EYA1: variants seen among roughly 807,000 people sequenced by gnomAD.
EYA1 encodes the protein protein phosphatase EYA1.
EYA1 carries 16 observed loss-of-function variants against 82.0 expected under a neutral mutation model. That is an observed-to-expected ratio of 0.20 (90% CI 0.13 to 0.30). EYA1 has a LOEUF of 0.30. Among genes scored for constraint, EYA1 ranks in the 10% least tolerant of loss-of-function variants. EYA1 has a pLI of 1.00. For missense variants in EYA1, 633 were observed against 730.7 expected (o/e 0.87, Z 1.54); for synonymous variants, 261 against 264.4 (o/e 0.99, Z 0.12).
intron 2 of EYA1, among the ~76,000 whole-genome samples, chr8:71,470,295 T>G (rs1295758863): frequency 6.6e-6 from 1 of 152,106 alleles, no homozygotes; most frequent in Non-Finnish European, 1.5e-5. Flanking sequence ...GGCTTTTACT[T>G]TAACCTCTGA....
At chr8:71,281,087 T>C (rs1400604481) in intron 9 of EYA1, among the ~76,000 whole-genome samples, 3 of 152,176 alleles carry the variant, frequency 2.0e-5, no homozygotes, top group Admixed American at 6.5e-5. Context: ...CTCTATATAA[T>C]AGTTTTTTAA....
chr8:71,203,699 T>A (rs1473510178), intron 17 of EYA1, among the ~76,000 whole-genome samples: 1 of 152,190 alleles, frequency 6.6e-6, no homozygotes, highest in Non-Finnish European at 1.5e-5. Flanking sequence ...AGGCTAACAC[T>A]TCCTCAGTGC....
At chr8:71,256,853 G>A (rs1371359893) in intron 11 of EYA1, among the ~76,000 whole-genome samples, 1 of 151,934 alleles carries the variant, frequency 6.6e-6, no homozygotes, top group Non-Finnish European at 1.5e-5. Context: ...TACAAAATTA[G>A]CTGGGCATGG....
chr8:71,354,249 T>A (rs1186550468), intron 3 of EYA1, among the ~76,000 whole-genome samples: 2 of 152,132 alleles, frequency 1.3e-5, no homozygotes, highest in East Asian at 1.9e-4. Context: ...GCTGTGTATA[T>A]TTCATAAACA....
At chr8:71,351,505 TGGAA>T (rs1250107545) in intron 3 of EYA1, among the ~76,000 whole-genome samples, 2 of 152,154 alleles carry the variant, frequency 1.3e-5, no homozygotes, top group Non-Finnish European at 2.9e-5. Context: ...ACAGAGGGGT[TGGAA>T]GGATGTATAA....
intron 3 of EYA1, among the ~76,000 whole-genome samples, chr8:71,349,231 G>A (rs1370722393): frequency 6.6e-6 from 1 of 152,156 alleles, no homozygotes; most frequent in Admixed American, 6.5e-5. Flanking sequence ...TAACCACCCT[G>A]AGGAGTCATC....
intron 2 of EYA1, among the ~76,000 whole-genome samples, chr8:71,390,541 G>A (rs549175043): frequency 6.6e-6 from 1 of 152,270 alleles, no homozygotes; most frequent in East Asian, 1.9e-4. Flanking sequence ...GAGTCAACAT[G>A]CCTAGCAATT....
rs575191747 is a variant in EYA1 at position 71,357,640 on chromosome 8, G to A, written c.-54-1129C>T. On this transcript the variant is annotated intron_variant, in intron 1 of 17. Coordinates refer to ENST00000340726, the MANE Select transcript of EYA1 (RefSeq NM_000503.6). ...TGGCATTACAGTTATCCAACCAAAC[G>A]TCTTCTGTTAAGTCCTGTTATTTTT... is the stretch of plus-strand genomic sequence containing the variant. 5.9e-5 allele frequency among the ~76,000 whole-genome samples: 9 copies of A among 152,236 alleles called. No homozygotes were observed. The East Asian group carries it at 1.2e-3, about 20-fold the overall frequency.
Position 71,354,870 on chromosome 8 carries a change from A to T in EYA1, c.36T>A (p.Arg12=), listed in dbSNP as rs1376584127. 28 of 1,613,720 alleles carry T rather than the reference A, an allele frequency of 1.7e-5. No individual in the cohort carries two copies. Among genetic ancestry groups the T allele is most frequent in the Non-Finnish European group, 2.4e-5 (28 of 1,179,690 alleles). Residue 12 remains arginine, a synonymous_variant, in exon 3 of 18, where the codon CGT becomes CGA. Coordinates refer to ENST00000340726, the MANE Select transcript of EYA1 (RefSeq NM_000503.6). ...EMQDLTSPHS[R]LSGSSESPSG... ...TGGGGGATTCACTACTACCACTCAG[A>T]CGGCTATGCGGGCTGGTTAGATCCT... is the stretch of plus-strand genomic sequence containing the variant.
At chr8:71,358,255 G>A (rs1189425532) in intron 1 of EYA1, among the ~76,000 whole-genome samples, 1 of 152,110 alleles carries the variant, frequency 6.6e-6, no homozygotes, top group Non-Finnish European at 1.5e-5. Flanking sequence ...TAAAGAAAAA[G>A]TGAACTTCAA....
At chr8:71,428,667 A>G (rs1305807358) in intron 2 of EYA1, among the ~76,000 whole-genome samples, 2 of 152,212 alleles carry the variant, frequency 1.3e-5, no homozygotes, top group Non-Finnish European at 2.9e-5. Flanking sequence ...TTAACAAGGA[A>G]CATCTGTTTT....
chr8:71,338,546 C>G (rs546479810), intron 3 of EYA1, among the ~76,000 whole-genome samples: 1 of 152,328 alleles, frequency 6.6e-6, no homozygotes, highest in African/African-American at 2.4e-5. Context: ...ACTAACCCAT[C>G]ATACCATGAT....
chr8:71,473,239 A>G (rs1809369651), intron 2 of EYA1, among the ~76,000 whole-genome samples: 1 of 152,166 alleles, frequency 6.6e-6, no homozygotes, highest in African/African-American at 2.4e-5. Flanking sequence ...GCACAGCAAA[A>G]GAAATTATCA....
rs147829266 is a variant in EYA1 at position 71,491,318 on chromosome 8, G to A, written c.33+44426C>T. Among the ~76,000 whole-genome samples the A allele has an allele frequency of 6.7e-3, 1,021 of 152,228 alleles. 8 individuals carry two copies. Among genetic ancestry groups the A allele is most frequent in the South Asian group, 0.013 (65 of 4,822 alleles). On this transcript the variant is annotated intron_variant, in intron 2 of 18. Transcript: ENST00000643681. ...TGAAGAGGCTGAACTCTGTAGTTAC[G>A]TGCAGGGCCAGGGGAAACAGGAACT... is the stretch of plus-strand genomic sequence containing the variant.
At chr8:71,219,311 C>T (rs970477129) in intron 12 of EYA1, among the ~76,000 whole-genome samples, 2 of 152,010 alleles carry the variant, frequency 1.3e-5, no homozygotes, top group South Asian at 4.2e-4. Flanking sequence ...AAGCAAAGTT[C>T]GGAGTAGTGA....
chr8:71,387,457 T>A (rs1257773900), intron 2 of EYA1, among the ~76,000 whole-genome samples: 1 of 151,854 alleles, frequency 6.6e-6, no homozygotes, highest in Non-Finnish European at 1.5e-5. Flanking sequence ...CACTTAAGAG[T>A]GTAGCAGTGG....
chr8:71,214,555 G>A (rs1434617383), intron 16 of EYA1, among the ~76,000 whole-genome samples: 2 of 152,202 alleles, frequency 1.3e-5, no homozygotes, highest in East Asian at 3.8e-4. Context: ...GACCCTGTAG[G>A]ATACAGCAAG....
chr8:71,476,129 A>G (rs1274454349), intron 2 of EYA1, among the ~76,000 whole-genome samples: 2 of 152,060 alleles, frequency 1.3e-5, no homozygotes, highest in Non-Finnish European at 2.9e-5. Context: ...ATACCCCCCA[A>G]TCCTTCATAT....
chr8:71,527,795 T>C (rs934920169), intron 2 of EYA1, among the ~76,000 whole-genome samples: 2 of 152,230 alleles, frequency 1.3e-5, no homozygotes, highest in African/African-American at 2.4e-5. Flanking sequence ...GCAACTTTCA[T>C]GCCATGTCTG....
Sources: allele counts gnomAD v4.1 joint callset (sites outside exome capture counted in the v4.1 genomes callset), GRCh38; gene constraint gnomAD v4.1.1; transcripts MANE v1.5; gene names NCBI Gene and HGNC (gene_info 2026-07-23, HGNC 2026-07-21).